The following LMBRD1 variants were observed in gnomAD, a reference collection of about 807,000 sequenced individuals.
LMBRD1 encodes the protein LMBR1 domain containing 1.
LMBRD1 carries 64 observed loss-of-function variants against 74.8 expected under a neutral mutation model. The ratio of observed to expected loss-of-function variants is 0.86; its 90% CI spans 0.70 to 1.05. The LOEUF is 1.05. Ranked by LOEUF, LMBRD1 falls within the 50% of genes least tolerant of loss-of-function variation. The pLI is 0.00. For missense variants in LMBRD1, 652 were observed against 645.9 expected, an observed-to-expected ratio of 1.01 and a Z score of -0.10; for synonymous variants, 204 against 216.3, an observed-to-expected ratio of 0.94 and a Z score of 0.50.
At chr6:69,753,899 C>A (rs1765217065) in intron 3 of LMBRD1, among the ~76,000 whole-genome samples, 1 of 151,560 alleles carries the variant, frequency 6.6e-6, no homozygotes, top group South Asian at 2.1e-4. Flanking sequence ...CGAGATCGCG[C>A]CACTGCACTC....
At chr6:69,773,091 T>A (rs59510607) in intron 3 of LMBRD1, among the ~76,000 whole-genome samples, 51,342 of 152,096 alleles carry the variant, frequency 0.34, 9,729 homozygotes, top group East Asian at 0.54. Context: ...TAAACCCTAC[T>A]ATGATTTGAA....
At chr6:69,691,149 C>T (rs56328740) in intron 14 of LMBRD1, among the ~76,000 whole-genome samples, 124,635 of 142,894 alleles carry the variant, frequency 0.87, 55,909 homozygotes, top group Non-Finnish European at 0.98. Flanking sequence ...CTCTCTCTCT[C>T]TTTTTTTTTT....
At chr6:69,691,587 A>AAAGC (rs1562085520) in intron 14 of LMBRD1, among the ~76,000 whole-genome samples, 1 of 152,158 alleles carries the variant, frequency 6.6e-6, no homozygotes, top group East Asian at 1.9e-4. Context: ...CTAAAGAAAG[A>AAAGC]AAGCTTGGGC....
intron 14 of LMBRD1, among the ~76,000 whole-genome samples, chr6:69,691,000 C>T (rs765155626): frequency 8.6e-5 from 13 of 152,012 alleles, no homozygotes; most frequent in Non-Finnish European, 1.9e-4. Flanking sequence ...TTTATCTCTC[C>T]TCTTCCAAAC....
At chr6:69,684,950 G>A (rs2502568) in intron 14 of LMBRD1, among the ~76,000 whole-genome samples, 137,315 of 152,200 alleles carry the variant, frequency 0.9, 63,156 homozygotes, top group Non-Finnish European at 0.99. Flanking sequence ...ACAAATTTTA[G>A]AATGTGGTTC....
chr6:69,742,196 C>T lies in LMBRD1; in HGVS notation c.474-319G>A, dbSNP rs9354886. 3.2e-4 allele frequency among the ~76,000 whole-genome samples: 49 copies of T among 151,828 alleles called. 1 individual carries two copies. In the East Asian group the frequency reaches 3.5e-3, roughly 11 times the overall value. ...TTGAGAATGGACCACAGGTTTAAAACGATCAAAACAATCCACAAAAAAGGT... is the reference window on the plus strand; with the variant it reads ...TTGAGAATGGACCACAGGTTTAAAATGATCAAAACAATCCACAAAAAAGGT... On this transcript the variant is annotated intron_variant, in intron 5 of 15. Transcript: ENST00000649934.
Position 69,752,316 on chromosome 6 carries a change from G to A in LMBRD1, c.348C>T (p.Ile116=). 1 of 1,610,196 alleles carries A rather than the reference G, an allele frequency of 6.2e-7. No homozygotes were observed. Among genetic ancestry groups the A allele is most frequent in the Non-Finnish European group, 8.5e-7 (1 of 1,177,014 alleles). ...SVILFCVFFW[I]PFVYFYYEEK... ...CTTCATAATAGAAGTAGACAAAAGG[G>A]ATCCAGAAGAACACACAGAACAATA... Residue 116 remains isoleucine, a synonymous_variant, in exon 4 of 16, where the codon ATC becomes ATT. Coordinates refer to ENST00000649934, the MANE Select transcript of LMBRD1 (RefSeq NM_018368.4).
intron 1 of LMBRD1, among the ~76,000 whole-genome samples, chr6:69,793,495 G>A (rs1227178245): frequency 6.6e-6 from 1 of 152,148 alleles, no homozygotes; most frequent in African/African-American, 2.4e-5. Context: ...CAAAAATGGA[G>A]AGTCTCCTAT....
In LMBRD1 at chr6:69,676,539, G is replaced by A. The variant is rs763984011; in HGVS notation, c.1420C>T (p.Gln474Ter). The stretch of plus-strand genomic sequence containing the variant: ...AGGTATGTCCGGGTAACAGTACACT[G>A]ATCTGTGAAAGCAAATAAAAGACTA... ...KRCDADAPED[Q>*]CTVTRTYLFL... Residue 474 changes from glutamine (Q) to a stop codon, truncating the protein, a stop_gained and splice_region_variant, in exon 15 of 16, where the codon CAG (glutamine) becomes TAG (stop). Coordinates refer to ENST00000649934, the MANE Select transcript of LMBRD1 (RefSeq NM_018368.4). LOFTEE classifies it high-confidence loss of function. The A allele has an allele frequency of 6.2e-7, 1 of 1,608,888 alleles. No homozygotes were observed. Among genetic ancestry groups the A allele is most frequent in the Non-Finnish European group, 8.5e-7 (1 of 1,175,550 alleles).
At chr6:69,774,528 A>C (rs1765646963) in intron 3 of LMBRD1, among the ~76,000 whole-genome samples, 1 of 152,128 alleles carries the variant, frequency 6.6e-6, no homozygotes, top group Non-Finnish European at 1.5e-5. Flanking sequence ...CCTTTTACTT[A>C]ATGTTTTTTC....
chr6:69,757,925 T>A (rs1489259150), intron 3 of LMBRD1, among the ~76,000 whole-genome samples: 1 of 152,182 alleles, frequency 6.6e-6, no homozygotes, highest in Middle Eastern at 3.2e-3. Flanking sequence ...TTTTTAAGCC[T>A]CATGTCCATA....
At chr6:69,782,440 C>A (rs1164232137) in intron 2 of LMBRD1, among the ~76,000 whole-genome samples, 1 of 152,156 alleles carries the variant, frequency 6.6e-6, no homozygotes, top group Non-Finnish European at 1.5e-5. Flanking sequence ...ACCTGCAAGA[C>A]CATTCTTAAG....
intron 3 of LMBRD1, among the ~76,000 whole-genome samples, chr6:69,752,637 G>A (rs1439704581): frequency 6.6e-6 from 1 of 152,150 alleles, no homozygotes; most frequent in Non-Finnish European, 1.5e-5. Flanking sequence ...TGTGGCAGCT[G>A]ACATATGAGC....
chr6:69,742,932 C>T (rs1269155644), intron 5 of LMBRD1, among the ~76,000 whole-genome samples: 1 of 151,910 alleles, frequency 6.6e-6, no homozygotes, highest in Admixed American at 6.6e-5. Flanking sequence ...CTATATTCTT[C>T]TTAATCCTAG....
At chr6:69,707,350 C>A (rs1766282139) in intron 9 of LMBRD1, among the ~76,000 whole-genome samples, 1 of 152,108 alleles carries the variant, frequency 6.6e-6, no homozygotes, top group Non-Finnish European at 1.5e-5. Flanking sequence ...AGGTTTATAA[C>A]CTTAATTACA....
intron 14 of LMBRD1, among the ~76,000 whole-genome samples, chr6:69,696,598 G>A (rs141416647): frequency 0.021 from 3,143 of 151,732 alleles, 60 homozygotes; most frequent in Non-Finnish European, 0.031. Context: ...CTTCTGCCTA[G>A]AACAGCCTTC....
intron 3 of LMBRD1, among the ~76,000 whole-genome samples, chr6:69,763,698 T>TTTAA: frequency 6.6e-6 from 1 of 152,160 alleles, no homozygotes; most frequent in Non-Finnish European, 1.5e-5. Context: ...AGCCTTGAGG[T>TTTAA]TTAACACTGC....
intron 3 of LMBRD1, among the ~76,000 whole-genome samples, chr6:69,776,268 A>C (rs1765699084): frequency 6.6e-6 from 1 of 152,246 alleles, no homozygotes; most frequent in Non-Finnish European, 1.5e-5. Flanking sequence ...AATTTGAATC[A>C]GTAGTTTAAA....
chr6:69,735,064 TG>T (rs1223218506), intron 7 of LMBRD1, among the ~76,000 whole-genome samples: 1 of 152,266 alleles, frequency 6.6e-6, no homozygotes, highest in Non-Finnish European at 1.5e-5. Context: ...GTTATGCACT[TG>T]TATGTAGTAT....
Sources: allele counts gnomAD v4.1 joint callset (sites outside exome capture counted in the v4.1 genomes callset), GRCh38; gene constraint gnomAD v4.1.1; transcripts MANE v1.5; gene names NCBI Gene and HGNC (gene_info 2026-07-23, HGNC 2026-07-21).